EHMT2: variants seen among roughly 807,000 people sequenced by gnomAD.
EHMT2 encodes the protein euchromatic histone lysine methyltransferase 2.
A neutral mutation model predicts 143.3 loss-of-function variants in EHMT2; 59 were observed. The observed-to-expected ratio is 0.41, with a 90% CI of 0.33 to 0.51. The LOEUF is 0.51. Among genes scored for constraint, EHMT2 ranks in the 20% least tolerant of loss-of-function variants. The pLI, the probability that EHMT2 is intolerant of heterozygous loss-of-function variation, is 0.18. For synonymous variants in EHMT2, 604 were observed against 651.5 expected (o/e 0.93, Z 1.11); for missense variants, 1,174 against 1,645.9 (o/e 0.71, Z 4.96).
rs1197640016 is a variant in EHMT2, at chr6:31,889,524, C to T, written c.943G>A (p.Glu315Lys). The change falls in exon 8 of 28, where the codon GAG (glutamate) becomes AAG (lysine). Residue 315 changes from glutamate (E) to lysine (K), a missense_variant. Around this residue, in one of 6 missense-constraint regions of EHMT2, gnomAD observed 399 missense variants for 404.4 expected, o/e 0.99. Transcript: ENST00000375537. The surrounding 1 kb of genome is among the most constrained non-coding windows in gnomAD (Gnocchi z 5.1). Reference sequence around the variant, plus strand: ...TCCTCTTCTTCTTCCTCTTCCTCCTCCTCTTCCTCTTCTTCTTCTTCCTCC... The same window carrying T: ...TCCTCTTCTTCTTCCTCTTCCTCCTTCTCTTCCTCTTCTTCTTCTTCCTCC... 6.2e-7 allele frequency: 1 copy of T among 1,611,846 alleles called. No homozygotes were observed. The highest frequency in any genetic ancestry group is 1.3e-5 in the African/African-American group (1 of 74,902).
Position 31,889,111 on chromosome 6 carries a change from G to A in EHMT2, c.1115-41C>T. On this transcript the variant is annotated intron_variant, in intron 9 of 27. Coordinates refer to ENST00000375537, the Ensembl canonical transcript of EHMT2. This position sits in a 1 kb window ranked among gnomAD's most constrained non-coding sequence, Gnocchi z 5.1. ...AGAGAGTGAGAGTGCGAGCTCACAG[G>A]TGCCTGGACGCGTGGGTACATGCAG... 3 of 1,562,322 alleles carry A rather than the reference G, an allele frequency of 1.9e-6. No individual in the cohort carries two copies. Among genetic ancestry groups the A allele is most frequent in the Non-Finnish European group, 2.6e-6 (3 of 1,147,090 alleles).
rs1046994874 is a variant in EHMT2 at position 31,892,652 on chromosome 6, G to A, written c.708+42C>T. 3.1e-6 allele frequency: 5 copies of A among 1,612,882 alleles called. No individual in the cohort carries two copies. The African/African-American group carries it at 6.7e-5, about 22-fold the overall frequency. On this transcript the variant is annotated intron_variant, in intron 6 of 27. Transcript: ENST00000375537. ...CAGCCCCACCTCTGACCCTCCCTCA[G>A]AGCAGCCCCCGAGGGGTAGAGGCTC...
chr6:31,889,405 A>G lies in EHMT2; in HGVS notation c.999+63T>C. The G allele has an allele frequency of 6.2e-7, 1 of 1,608,578 alleles. No individual in the cohort carries two copies. The highest frequency in any genetic ancestry group is 8.5e-7 in the Non-Finnish European group (1 of 1,177,756). ...CCCCAGGGGCCCCCCCAACACCTTC[A>G]GGACCAGACCTCCAGCCCCATAGTC... On this transcript the variant is annotated intron_variant, in intron 8 of 27. Coordinates refer to ENST00000375537, the Ensembl canonical transcript of EHMT2. The surrounding 1 kb of genome is among the most constrained non-coding windows in gnomAD (Gnocchi z 5.1).
In EHMT2 at chr6:31,883,684, C is replaced by T. The variant is rs1764418589; in HGVS notation, c.2916+122G>A. ...CTCCCCTGGTGGGGATGCGACCCCA[C>T]ACCAGGGCTCCCTTTCAGCCAACCC... On this transcript the variant is annotated intron_variant, in intron 22 of 27. Coordinates refer to ENST00000375537, the Ensembl canonical transcript of EHMT2. This position sits in a 1 kb window ranked among gnomAD's most constrained non-coding sequence, Gnocchi z 5.6. The T allele has an allele frequency of 1.4e-6, 2 of 1,410,068 alleles. No homozygotes were observed. The highest frequency in any genetic ancestry group is 1.3e-5 in the South Asian group (1 of 78,822). 87.3% of individuals were successfully genotyped at this position (1,410,068 alleles called of 1,614,324 possible).
At chr6:31,886,451 G>A in intron 18 of EHMT2, 130 bp downstream of exon 18, 1 of 691,430 alleles carries the variant, frequency 1.4e-6, no homozygotes, top group Non-Finnish European at 2.4e-6. Flanking sequence ...AAATGAGGAA[G>A]AAGAAAGCAA....
In EHMT2 at chr6:31,884,301, T is replaced by C. The variant is rs1581895287; in HGVS notation, c.2771+91A>G. 3 of 1,416,270 alleles carry C rather than the reference T, an allele frequency of 2.1e-6. No homozygotes were observed. Among genetic ancestry groups the C allele is most frequent in the African/African-American group, 1.4e-5 (1 of 69,326 alleles). 87.7% of individuals were successfully genotyped at this position (1,416,270 alleles called of 1,614,324 possible). On this transcript the variant is annotated intron_variant, in intron 21 of 27. Coordinates refer to ENST00000375537, the Ensembl canonical transcript of EHMT2. This position sits in a 1 kb window ranked among gnomAD's most constrained non-coding sequence, Gnocchi z 7.3. ...GGATTCAGTGGTGCATGGGGAGGGG[T>C]TGGGGAATGTTGTGAGGATGCAATG...
chr6:31,897,177 C>A, intron 1 of EHMT2, 188 bp from the exon 2 acceptor site: 1 of 1,318,440 alleles, frequency 7.6e-7, no homozygotes, highest in Admixed American at 3.7e-5. Flanking sequence ...CCGCATCAAC[C>A]CCCTCCCTCT....
In EHMT2 at chr6:31,882,912, AC is replaced by A; in HGVS notation, c.3091del (p.Val1031SerfsTer41). 1.2e-6 allele frequency: 2 copies of A among 1,612,794 alleles called. No individual in the cohort carries two copies. The highest frequency in any genetic ancestry group is 1.7e-6 in the Non-Finnish European group (2 of 1,179,944). On this transcript the variant is annotated frameshift_variant, in exon 24 of 28. Transcript: ENST00000375537. LOFTEE classifies it high-confidence loss of function. The stretch of plus-strand genomic sequence containing the variant: ...GCCTCACTTGATGCCACTCTGTACG[AC>A]CCGGTTCTTGCAGTTTCTCCAGCAT...
At chr6:31,890,348 C>T (rs1274023347) in intron 7 of EHMT2, among the ~76,000 whole-genome samples, 5 of 152,060 alleles carry the variant, frequency 3.3e-5, no homozygotes, top group African/African-American at 4.8e-5. Context: ...CCTCCACCTC[C>T]TGGATTCAAG....
At position 31,888,216 on chromosome 6, in the gene EHMT2, C is replaced by T. The variant is rs1459546158; in HGVS notation, c.1570G>A (p.Val524Met). 1 of 1,613,012 alleles carries T rather than the reference C, an allele frequency of 6.2e-7. No individual in the cohort carries two copies. Among genetic ancestry groups the T allele is most frequent in the Non-Finnish European group, 8.5e-7 (1 of 1,180,004 alleles). ...AAGACCATCCCATTCAGCTGAGACA[C>T]ACAGGCCTTGTGGAAGCGGTGGGCC... Residue 524 changes from valine to methionine, a missense_variant, in exon 13 of 28, where the codon GTG (valine) becomes ATG (methionine). Coordinates refer to ENST00000375537, the Ensembl canonical transcript of EHMT2. The surrounding 1 kb of genome is among the most constrained non-coding windows in gnomAD (Gnocchi z 7.4).
intron 18 of EHMT2, chr6:31,885,772 A>C (rs182532465): frequency 6.6e-6 from 1 of 152,206 alleles, no homozygotes. Flanking sequence ...TGCCCACTCA[A>C]AAGTCCTAGA....
At chr6:31,896,422 A>T (rs769494758) in exon 4 of EHMT2, 1 of 1,612,952 alleles carries the variant, frequency 6.2e-7, no homozygotes, top group Non-Finnish European at 8.5e-7. Flanking sequence ...GGACAGATGG[A>T]GGTGATTTTC....
chr6:31,895,439 T>C (rs1444778670), intron 4 of EHMT2: 1 of 152,152 alleles, frequency 6.6e-6, no homozygotes, highest in Non-Finnish European at 1.5e-5. Flanking sequence ...CTACGCAGTG[T>C]GCCCAGAGTC....
At position 31,884,413 on chromosome 6, in the gene EHMT2, C is replaced by T. The variant is rs1217920020; in HGVS notation, c.2750G>A (p.Arg917His). The T allele has an allele frequency of 6.2e-7, 1 of 1,612,302 alleles. No individual in the cohort carries two copies. Among genetic ancestry groups the T allele is most frequent in the Non-Finnish European group, 8.5e-7 (1 of 1,179,916 alleles). ...TCACCGGCAGATGATCTTCTCTGTG[C>T]GGATGGCCCGATTTCCCACCCCAAG... The change falls in exon 21 of 28, where the codon CGC becomes CAC. Residue 917 changes from arginine (R) to histidine (H), a missense_variant. Physicochemically the swap from Arg to His is conservative, Grantham distance 29. Transcript: ENST00000375537. The surrounding 1 kb of genome is among the most constrained non-coding windows in gnomAD (Gnocchi z 7.3).
intron 7 of EHMT2, among the ~76,000 whole-genome samples, chr6:31,892,134 C>G (rs1195922423): frequency 6.6e-6 from 1 of 152,048 alleles, no homozygotes; most frequent in African/African-American, 2.4e-5. Context: ...CCCAGCTACT[C>G]GGGAGGCTGA....
chr6:31,886,432 G>C, intron 18 of EHMT2, 149 bp downstream of exon 18: 1 of 635,504 alleles, frequency 1.6e-6, no homozygotes. Flanking sequence ...AAAGAATGAA[G>C]AGAAATACAA....
At chr6:31,893,192 G>C in intron 4 of EHMT2, 2 of 531,860 alleles carry the variant, frequency 3.8e-6, no homozygotes, top group Non-Finnish European at 6.7e-6. Context: ...TTTATATGTG[G>C]CCATATACAC....
chr6:31,888,315 C>T lies in EHMT2; in HGVS notation c.1510-39G>A, dbSNP rs199820755. On this transcript the variant is annotated intron_variant, in intron 12 of 27. Transcript: ENST00000375537. This position sits in a 1 kb window ranked among gnomAD's most constrained non-coding sequence, Gnocchi z 7.4. Reference sequence around the variant, plus strand: ...AACGACATGGTCAGGTTACTGGGGCCCCCTCTGCCACAGGGCATGCTACCT... The same window carrying T: ...AACGACATGGTCAGGTTACTGGGGCTCCCTCTGCCACAGGGCATGCTACCT... The T allele has an allele frequency of 3.1e-6, 5 of 1,611,720 alleles. No individual in the cohort carries two copies. The highest frequency in any genetic ancestry group is 1.7e-5 in the Admixed American group (1 of 59,938).
intron 1 of EHMT2, 183 bp from the exon 2 acceptor site, chr6:31,897,172 T>G: frequency 7.6e-7 from 1 of 1,308,172 alleles, no homozygotes; most frequent in Non-Finnish European, 9.7e-7. Flanking sequence ...CGGGCCCGCA[T>G]CAACCCCCTC....
Sources: allele counts gnomAD v4.1 joint callset (sites outside exome capture counted in the v4.1 genomes callset), GRCh38; gene constraint gnomAD v4.1.1; regional missense constraint gnomAD v4.1.1; non-coding constraint Gnocchi (gnomAD v3.1); transcripts MANE v1.5; gene names NCBI Gene and HGNC (gene_info 2026-07-23, HGNC 2026-07-21).